IMMP2L: variants seen among roughly 807,000 people sequenced by gnomAD.
The protein encoded by IMMP2L is inner mitochondrial membrane peptidase subunit 2.
Under a neutral mutation model 19.3 loss-of-function variants are expected in IMMP2L, and 18 were observed. That is an observed-to-expected ratio of 0.93 (90% CI 0.64 to 1.38). The LOEUF (loss-of-function observed/expected upper bound fraction) is 1.38, where lower values mean the gene tolerates loss of function less well. Among genes scored for constraint, IMMP2L ranks in the 40% most tolerant of loss-of-function variants. The pLI, the probability that IMMP2L is intolerant of heterozygous loss-of-function variation, is 0.00. For missense variants in IMMP2L, 233 were observed against 218.2 expected, an observed-to-expected ratio of 1.07 and a Z score of -0.43; for synonymous variants, 76 against 73.0, an observed-to-expected ratio of 1.04 and a Z score of -0.21.
At chr7:111,211,366 C>T (rs558946243) in intron 3 of IMMP2L, among the ~76,000 whole-genome samples, 3 of 151,030 alleles carry the variant, frequency 2.0e-5, no homozygotes, top group Admixed American at 6.6e-5. Context: ...GAAAGAGAGA[C>T]GAAAATGAAG....
chr7:110,700,229 G>A (rs1438529715), intron 5 of IMMP2L, among the ~76,000 whole-genome samples: 6 of 152,106 alleles, frequency 3.9e-5, no homozygotes, highest in East Asian at 3.8e-4. Flanking sequence ...CTAACACCCC[G>A]TAAGCCTCCC....
At chr7:110,922,792 T>C (rs1814433113) in intron 4 of IMMP2L, among the ~76,000 whole-genome samples, 2 of 152,168 alleles carry the variant, frequency 1.3e-5, no homozygotes, top group Admixed American at 1.3e-4. Context: ...TTCAAATGTA[T>C]ATCATGAGCA....
chr7:111,337,469 G>T (rs1826554360), intron 3 of IMMP2L, among the ~76,000 whole-genome samples: 2 of 143,470 alleles, frequency 1.4e-5, no homozygotes, highest in Non-Finnish European at 2.9e-5. Context: ...TGGATGGATG[G>T]ATGGATGGAT....
At chr7:111,234,670 C>T (rs183008154) in intron 3 of IMMP2L, among the ~76,000 whole-genome samples, 2 of 152,126 alleles carry the variant, frequency 1.3e-5, no homozygotes, top group Non-Finnish European at 1.5e-5. Flanking sequence ...GGATTAACTG[C>T]ATATTTTATA....
chr7:110,837,660 G>A (rs73419233), intron 5 of IMMP2L, among the ~76,000 whole-genome samples: 5,918 of 152,078 alleles, frequency 0.039, 271 homozygotes, highest in African/African-American at 0.11. Flanking sequence ...GAAAAAGATA[G>A]GTTGATGTCA....
chr7:110,873,432 A>C (rs1585098065), intron 5 of IMMP2L, among the ~76,000 whole-genome samples: 1 of 129,018 alleles, frequency 7.8e-6, no homozygotes, highest in East Asian at 2.0e-4. Context: ...TCTATCTCAA[A>C]AAAAAAAAAA....
intron 3 of IMMP2L, among the ~76,000 whole-genome samples, chr7:111,406,570 G>T (rs1343912907): frequency 6.6e-6 from 1 of 151,814 alleles, no homozygotes; most frequent in African/African-American, 2.4e-5. Flanking sequence ...TCCCCACATG[G>T]TCTTTTACTG....
intron 5 of IMMP2L, among the ~76,000 whole-genome samples, chr7:110,668,084 C>A (rs1791587043): frequency 6.6e-6 from 1 of 152,090 alleles, no homozygotes; most frequent in Non-Finnish European, 1.5e-5. Context: ...ACCTCTATTA[C>A]TTCATAGAAA....
At chr7:110,895,666 T>C (rs975062035) in intron 4 of IMMP2L, among the ~76,000 whole-genome samples, 6 of 152,216 alleles carry the variant, frequency 3.9e-5, no homozygotes, top group Admixed American at 6.5e-5. Flanking sequence ...GAACATAGCA[T>C]ATCTTTCCAA....
chr7:110,669,913 A>C (rs1791774720), intron 5 of IMMP2L, among the ~76,000 whole-genome samples: 1 of 152,204 alleles, frequency 6.6e-6, no homozygotes, highest in Non-Finnish European at 1.5e-5. Flanking sequence ...AGTTGCCCTA[A>C]TATAATTGCT....
intron 2 of IMMP2L, among the ~76,000 whole-genome samples, chr7:111,494,947 GTTGA>G (rs1843453829): frequency 6.6e-6 from 1 of 152,044 alleles, no homozygotes; most frequent in African/African-American, 2.4e-5. Flanking sequence ...TAAATTCTTT[GTTGA>G]TTGTTTCCTC....
chr7:110,940,712 C>T (rs143454834), intron 4 of IMMP2L, among the ~76,000 whole-genome samples: 4 of 152,260 alleles, frequency 2.6e-5, no homozygotes, highest in Non-Finnish European at 4.4e-5. Flanking sequence ...GTATGTCACT[C>T]TCTTTTAGTA....
intron 3 of IMMP2L, among the ~76,000 whole-genome samples, chr7:111,351,484 C>T (rs775167980): frequency 1.3e-5 from 2 of 152,130 alleles, no homozygotes; most frequent in Non-Finnish European, 2.9e-5. Context: ...CCACCGCACC[C>T]GGCCCATCTT....
At chr7:110,666,362 C>T (rs1463314138) in intron 5 of IMMP2L, among the ~76,000 whole-genome samples, 1 of 152,154 alleles carries the variant, frequency 6.6e-6, no homozygotes, top group African/African-American at 2.4e-5. Flanking sequence ...GCAAGCTCCA[C>T]CTCCTGGGGT....
At chr7:110,938,763 T>C (rs1285629255) in intron 4 of IMMP2L, among the ~76,000 whole-genome samples, 1 of 152,142 alleles carries the variant, frequency 6.6e-6, no homozygotes, top group African/African-American at 2.4e-5. Flanking sequence ...GCTCTTTTTT[T>C]AATGGTCACC....
chr7:110,871,721 T>A (rs1179652977), intron 5 of IMMP2L, among the ~76,000 whole-genome samples: 1 of 152,130 alleles, frequency 6.6e-6, no homozygotes, highest in East Asian at 1.9e-4. Flanking sequence ...TACCACAGAT[T>A]CAGAACTTTA....
chr7:110,950,077 T>C (rs1817640256), intron 4 of IMMP2L, among the ~76,000 whole-genome samples: 1 of 152,214 alleles, frequency 6.6e-6, no homozygotes, highest in Admixed American at 6.6e-5. Flanking sequence ...CGTTTCTTTC[T>C]AGACGTTGCA....
At chr7:110,775,249 CTGTGTGTG>C (rs56387151) in intron 5 of IMMP2L, among the ~76,000 whole-genome samples, 7 of 146,620 alleles carry the variant, frequency 4.8e-5, no homozygotes, top group African/African-American at 1.3e-4. Flanking sequence ...CTTAAGTCAG[CTGTGTGTG>C]TGTGTGTGTG....
chr7:110,893,140 T>G (rs1328230461), intron 4 of IMMP2L, among the ~76,000 whole-genome samples: 1 of 152,200 alleles, frequency 6.6e-6, no homozygotes, highest in Non-Finnish European at 1.5e-5. Context: ...TACATTATAC[T>G]GTAGTTTATT....
Sources: gnomAD v4.1 joint callset for allele counts (sites outside exome capture counted in the v4.1 genomes callset) on GRCh38, gnomAD v4.1.1 for gene constraint, MANE v1.5 for transcripts, NCBI Gene and HGNC (gene_info 2026-07-23, HGNC 2026-07-21) for gene names.